OR14A16: variants seen among roughly 807,000 people sequenced by gnomAD.
The protein encoded by OR14A16 is olfactory receptor 14A16.
For synonymous variants in OR14A16, 135 were observed against 137.6 expected, an observed-to-expected ratio of 0.98 and a Z score of 0.13; for missense variants, 341 against 366.5, an observed-to-expected ratio of 0.93 and a Z score of 0.57.
chr1:247,818,968 T>A (rs1004395657), intron 2 of OR14A16, 95 bp downstream of exon 2: 2 of 151,882 alleles, frequency 1.3e-5, no homozygotes, highest in African/African-American at 4.8e-5. Context: ...AGGTACCCCA[T>A]AAATATACAC....
chr1:247,816,772 T>G (rs1201856640), intron 2 of OR14A16, among the ~76,000 whole-genome samples: 1 of 152,212 alleles, frequency 6.6e-6, no homozygotes, highest in Non-Finnish European at 1.5e-5. Flanking sequence ...TTATATTAAC[T>G]GAATTACTCA....
At position 247,816,998 on chromosome 1, in the gene OR14A16, G is replaced by A. The variant is rs780839651; in HGVS notation, c.-15-1254C>T. ...CCAAAAAAGTATTGCAAATTATGGGGCAGGGGAGAAGGATCGCCACATAAT... is the reference window on the plus strand; with the variant it reads ...CCAAAAAAGTATTGCAAATTATGGGACAGGGGAGAAGGATCGCCACATAAT... On this transcript the variant is annotated intron_variant, in intron 2 of 2. Coordinates refer to ENST00000641093, the MANE Select transcript of OR14A16 (RefSeq NM_001001966.2). Among the ~76,000 whole-genome samples the A allele has an allele frequency of 7.6e-4, 115 of 152,088 alleles. 1 individual carries two copies. The highest frequency in any genetic ancestry group is 2.7e-3 in the African/African-American group (113 of 41,396).
chr1:247,815,776 A>G (rs762650845), intron 2 of OR14A16, 32 bp from the exon 3 acceptor site: 2 of 886,092 alleles, frequency 2.3e-6, no homozygotes, highest in African/African-American at 1.7e-5. Flanking sequence ...GAAGTAAAAT[A>G]TCAATGTCCA....
chr1:247,816,881 T>C (rs1662631534), intron 2 of OR14A16, among the ~76,000 whole-genome samples: 1 of 152,088 alleles, frequency 6.6e-6, no homozygotes, highest in South Asian at 2.1e-4. Flanking sequence ...TCTTTCATCA[T>C]AGCCAAGTTG....
intron 1 of OR14A16, among the ~76,000 whole-genome samples, chr1:247,820,699 C>CA (rs1558335867): frequency 7.3e-5 from 3 of 41,316 alleles, no homozygotes; most frequent in East Asian, 0.012. Flanking sequence ...CAAAAAAAAA[C>CA]CCCAAAAACA....
chr1:247,814,790 G>T lies in OR14A16; in HGVS notation c.*10C>A. On this transcript the variant is annotated 3_prime_UTR_variant, in exon 3 of 3. Coordinates refer to ENST00000641093, the MANE Select transcript of OR14A16 (RefSeq NM_001001966.2). ...GGTATCTATTATTGAAAGAAGAAAAGCAACAGCTTTTACTTTTTGGTGAGC... is the reference window on the plus strand; with the variant it reads ...GGTATCTATTATTGAAAGAAGAAAATCAACAGCTTTTACTTTTTGGTGAGC... The T allele has an allele frequency of 6.7e-7, 1 of 1,499,152 alleles. No homozygotes were observed. Among genetic ancestry groups the T allele is most frequent in the Non-Finnish European group, 8.9e-7 (1 of 1,118,416 alleles). The allele number at this position is 1,499,152 out of a possible 1,614,324, so 92.9% of individuals were successfully genotyped here.
chr1:247,821,453 A>G (rs1558336068), intron 1 of OR14A16, among the ~76,000 whole-genome samples: 1 of 152,212 alleles, frequency 6.6e-6, no homozygotes, highest in Non-Finnish European at 1.5e-5. Context: ...TGTTACATTC[A>G]TATATATTTG....
At chr1:247,815,968 T>C (rs956139346) in intron 2 of OR14A16, among the ~76,000 whole-genome samples, 19 of 152,170 alleles carry the variant, frequency 1.2e-4, no homozygotes, top group African/African-American at 4.3e-4. Context: ...GGCAATTTAG[T>C]TCACATAAAT....
At chr1:247,817,195 T>C (rs1662638610) in intron 2 of OR14A16, among the ~76,000 whole-genome samples, 1 of 152,198 alleles carries the variant, frequency 6.6e-6, no homozygotes, top group Admixed American at 6.5e-5. Flanking sequence ...CTCTCTTCTT[T>C]GGTTCTTTCT....
At chr1:247,816,377 T>C (rs1424873881) in intron 2 of OR14A16, among the ~76,000 whole-genome samples, 1 of 152,246 alleles carries the variant, frequency 6.6e-6, no homozygotes, top group Non-Finnish European at 1.5e-5. Flanking sequence ...ATTTGCAATC[T>C]TGTGCCTATA....
chr1:247,819,278 G>C (rs1201418695), intron 1 of OR14A16, 101 bp from the exon 2 acceptor site: 1 of 152,240 alleles, frequency 6.6e-6, no homozygotes, highest in African/African-American at 2.4e-5. Flanking sequence ...GAGAGGGTGT[G>C]TGAGGAGCAG....
intron 1 of OR14A16, among the ~76,000 whole-genome samples, chr1:247,820,230 G>T (rs929498059): frequency 6.6e-6 from 1 of 152,024 alleles, no homozygotes; most frequent in East Asian, 1.9e-4. Flanking sequence ...AGTAATACTG[G>T]CCTCATAACA....
intron 2 of OR14A16, among the ~76,000 whole-genome samples, chr1:247,817,409 T>TA (rs1446940753): frequency 6.6e-6 from 1 of 152,218 alleles, no homozygotes; most frequent in African/African-American, 2.4e-5. Flanking sequence ...GAGTGGTTTT[T>TA]AAAAAATCAT....
rs1241239387 is a variant in OR14A16 at position 247,819,097 on chromosome 1, A to G, written c.-50T>C. ...CCAATCTGGCGCACGAAGATTCCAGATGTCTTCTGAGGCTTGTTTTCAATG... is the reference window on the plus strand; with the variant it reads ...CCAATCTGGCGCACGAAGATTCCAGGTGTCTTCTGAGGCTTGTTTTCAATG... On this transcript the variant is annotated 5_prime_UTR_variant, in exon 2 of 3. Coordinates refer to ENST00000641093, the MANE Select transcript of OR14A16 (RefSeq NM_001001966.2). 6.6e-6 allele frequency: 1 copy of G among 152,158 alleles called. No individual in the cohort carries two copies. Among genetic ancestry groups the G allele is most frequent in the Non-Finnish European group, 1.5e-5 (1 of 68,036 alleles). 9.4% of individuals were successfully genotyped at this position (152,158 alleles called of 1,614,324 possible). A position where few individuals can be genotyped will look rare whatever the true frequency, so the allele number is the denominator to read the frequency against.
At chr1:247,822,919 G>C (rs1463706472) in intron 1 of OR14A16, among the ~76,000 whole-genome samples, 1 of 152,162 alleles carries the variant, frequency 6.6e-6, no homozygotes, top group East Asian at 1.9e-4. Context: ...TTCCCCAGAA[G>C]GGAAGCATAT....
chr1:247,820,102 G>A (rs1240331828), intron 1 of OR14A16, among the ~76,000 whole-genome samples: 4 of 152,124 alleles, frequency 2.6e-5, no homozygotes, highest in African/African-American at 9.7e-5. Context: ...TCTTTTTAAT[G>A]TGCTGTTGAA....
intron 1 of OR14A16, among the ~76,000 whole-genome samples, chr1:247,822,658 C>G (rs2103287929): frequency 6.6e-6 from 1 of 152,286 alleles, no homozygotes; most frequent in Admixed American, 6.5e-5. Context: ...TAAATCCCCT[C>G]TCATATATCC....
At chr1:247,819,559 T>C (rs1394497106) in intron 1 of OR14A16, among the ~76,000 whole-genome samples, 3 of 152,192 alleles carry the variant, frequency 2.0e-5, no homozygotes, top group Admixed American at 2.0e-4. Flanking sequence ...TTTTGTCTTA[T>C]TATCTATTTA....
intron 2 of OR14A16, among the ~76,000 whole-genome samples, chr1:247,818,010 A>C (rs12733918): frequency 2.0e-5 from 3 of 152,178 alleles, no homozygotes; most frequent in Non-Finnish European, 2.9e-5. Flanking sequence ...TAATACTGCT[A>C]CTTTGAATAA....
Sources: gnomAD v4.1 joint callset for allele counts (sites outside exome capture counted in the v4.1 genomes callset) on GRCh38, gnomAD v4.1.1 for gene constraint, MANE v1.5 for transcripts, NCBI Gene and HGNC (gene_info 2026-07-23, HGNC 2026-07-21) for gene names.